KCNQ1: variants seen among roughly 807,000 people sequenced by gnomAD.
The protein encoded by KCNQ1 is potassium voltage-gated channel subfamily Q member 1.
Under a neutral mutation model 72.4 loss-of-function variants are expected in KCNQ1, and 49 were observed. The ratio of observed to expected loss-of-function variants is 0.68; its 90% CI spans 0.54 to 0.86. KCNQ1 has a LOEUF of 0.86. Among genes scored for constraint, KCNQ1 ranks in the 40% least tolerant of loss-of-function variants. KCNQ1 has a pLI of 0.00. For synonymous variants in KCNQ1, 450 were observed against 412.6 expected, an observed-to-expected ratio of 1.09 and a Z score of -1.10; for missense variants, 790 against 945.1, an observed-to-expected ratio of 0.84 and a Z score of 2.15.
intron 12 of KCNQ1, among the ~76,000 whole-genome samples, chr11:2,770,330 A>C (rs1298590815): frequency 6.6e-6 from 1 of 152,204 alleles, no homozygotes; most frequent in Non-Finnish European, 1.5e-5. Context: ...ATGAGAGCCT[A>C]AGGGTTTGGC....
At chr11:2,619,325 A>G (rs1849124899) in intron 10 of KCNQ1, 2 of 398,394 alleles carry the variant, frequency 5.0e-6, no homozygotes, top group Admixed American at 4.4e-5. Context: ...CATAAATGGC[A>G]TTCGTTATAT....
At chr11:2,630,873 T>G in intron 10 of KCNQ1, 1 of 398,534 alleles carries the variant, frequency 2.5e-6, no homozygotes. Flanking sequence ...GATGGCAGTT[T>G]TTTATCTTTC....
rs1850999511 is a variant in KCNQ1, at chr11:2,711,254, G to A, written c.1514+49173G>A. On this transcript the variant is annotated intron_variant, in intron 11 of 15. Coordinates refer to ENST00000155840, the MANE Select transcript of KCNQ1 (RefSeq NM_000218.3). This position sits in a 1 kb window ranked among gnomAD's most constrained non-coding sequence, Gnocchi z 5.4. ...GCCATACTTCCTCCCCATGTACTGG[G>A]TTCTGCCCATCCTCCAGCCCATCTC... Among the ~76,000 whole-genome samples, 1 of 152,140 alleles carries A rather than the reference G, an allele frequency of 6.6e-6. No individual in the cohort carries two copies. The highest frequency in any genetic ancestry group is 2.4e-5 in the African/African-American group (1 of 41,426).
At chr11:2,489,954 C>G (rs549544746) in intron 1 of KCNQ1, among the ~76,000 whole-genome samples, 3 of 152,226 alleles carry the variant, frequency 2.0e-5, no homozygotes, top group Admixed American at 1.3e-4. Context: ...GGGTAGAGCA[C>G]CAAATGGGCT....
At chr11:2,511,880 C>T (rs904775628) in intron 1 of KCNQ1, among the ~76,000 whole-genome samples, 2 of 152,194 alleles carry the variant, frequency 1.3e-5, no homozygotes, top group African/African-American at 4.8e-5. Flanking sequence ...TGGCCTGCAG[C>T]CCCCTGTGCA....
chr11:2,474,236 T>C, intron 1 of KCNQ1, among the ~76,000 whole-genome samples: 1 of 151,988 alleles, frequency 6.6e-6, no homozygotes, highest in Non-Finnish European at 1.5e-5. Context: ...TGTCCTCGAG[T>C]CTCCTGGTGG....
intron 15 of KCNQ1, among the ~76,000 whole-genome samples, chr11:2,837,103 A>G (rs992806327): frequency 1.3e-5 from 2 of 152,112 alleles, no homozygotes; most frequent in Non-Finnish European, 2.9e-5. Flanking sequence ...CGTAGGGCGG[A>G]GGAAGAGGCT....
At chr11:2,822,345 G>A (rs1057268128) in intron 15 of KCNQ1, among the ~76,000 whole-genome samples, 1 of 152,184 alleles carries the variant, frequency 6.6e-6, no homozygotes, top group Non-Finnish European at 1.5e-5. Flanking sequence ...ACAGCGCCAG[G>A]CCCTGGGGTA....
At chr11:2,609,876 C>T (rs1564832500) in intron 10 of KCNQ1, 8 of 397,780 alleles carry the variant, frequency 2.0e-5, no homozygotes, top group Non-Finnish European at 3.5e-5. Flanking sequence ...TATCTTTTTC[C>T]ATCCTTTTAC....
rs1221878375 is a variant in KCNQ1 at position 2,484,662 on chromosome 11, C to T, written c.386+39178C>T. ...CCACTTCTCCAAGGAGCCAGGGTTC[C>T]TTCCATTGGAGAGTGGTCTTTAGAA... is the stretch of plus-strand genomic sequence containing the variant. On this transcript the variant is annotated intron_variant, in intron 1 of 15. Transcript: ENST00000155840. This position sits in a 1 kb window ranked among gnomAD's most constrained non-coding sequence, Gnocchi z 5.2. Among the ~76,000 whole-genome samples the T allele has an allele frequency of 1.3e-5, 2 of 152,180 alleles. No homozygotes were observed. Among genetic ancestry groups the T allele is most frequent in the African/African-American group, 2.4e-5 (1 of 41,438 alleles).
In KCNQ1 at chr11:2,703,840, T is replaced by A. The variant is rs1850861990; in HGVS notation, c.1514+41759T>A. Among the ~76,000 whole-genome samples the A allele has an allele frequency of 6.6e-6, 1 of 152,160 alleles. No individual in the cohort carries two copies. Among genetic ancestry groups the A allele is most frequent in the African/African-American group, 2.4e-5 (1 of 41,452 alleles). ...CCCTCGGAGTCTAAGGGTGGAACCA[T>A]CTTCAGACCCAGCCAGGTTCCCAAG... On this transcript the variant is annotated intron_variant, in intron 11 of 15. Transcript: ENST00000155840. This position sits in a 1 kb window ranked among gnomAD's most constrained non-coding sequence, Gnocchi z 6.4.
chr11:2,526,874 C>T lies in KCNQ1; in HGVS notation c.387-1054C>T, dbSNP rs142611885. On this transcript the variant is annotated intron_variant, in intron 1 of 15. Coordinates refer to ENST00000155840, the MANE Select transcript of KCNQ1 (RefSeq NM_000218.3). The surrounding 1 kb of genome is among the most constrained non-coding windows in gnomAD (Gnocchi z 6.1). ...CCTATGCCAGGCAGAGGATCTATGC[C>T]GGGGCCCCCAGGGTCTGTGTGTGGC... Among the ~76,000 whole-genome samples the T allele has an allele frequency of 2.0e-5, 3 of 152,170 alleles. No homozygotes were observed. The highest frequency in any genetic ancestry group is 1.9e-4 in the East Asian group (1 of 5,156).
At chr11:2,502,691 A>C (rs1034532449) in intron 1 of KCNQ1, among the ~76,000 whole-genome samples, 5 of 152,216 alleles carry the variant, frequency 3.3e-5, no homozygotes, top group Non-Finnish European at 7.3e-5. Context: ...ACACTCCTCA[A>C]ACTTATATGG....
chr11:2,742,087 C>G (rs1470826885), intron 11 of KCNQ1, among the ~76,000 whole-genome samples: 1 of 152,258 alleles, frequency 6.6e-6, no homozygotes, highest in African/African-American at 2.4e-5. Flanking sequence ...GTTTTCTCCA[C>G]ATTAGAAGGT....
chr11:2,586,520 G>A (rs1848594413), intron 8 of KCNQ1, among the ~76,000 whole-genome samples: 1 of 152,190 alleles, frequency 6.6e-6, no homozygotes. Context: ...CCTTTGAAAG[G>A]GGTTCCCTCG....
In KCNQ1 at chr11:2,642,684, T is replaced by A. The variant is rs1269022290; in HGVS notation, c.1394-19277T>A. On this transcript the variant is annotated intron_variant, in intron 10 of 15. Coordinates refer to ENST00000155840, the MANE Select transcript of KCNQ1 (RefSeq NM_000218.3). The surrounding 1 kb of genome is among the most constrained non-coding windows in gnomAD (Gnocchi z 4.3). ...TAGTTCTGCTCTGATCTTCGTTATT[T>A]CTTTCCTTCTACTAATTTTATGTTT... 5.0e-6 allele frequency: 2 copies of A among 397,868 alleles called. No individual in the cohort carries two copies. Among genetic ancestry groups the A allele is most frequent in the African/African-American group, 4.1e-5 (2 of 48,614 alleles). The allele number at this position is 397,868 out of a possible 1,614,324, so 24.6% of individuals were successfully genotyped here.
chr11:2,662,946 G>A, intron 11 of KCNQ1: 1 of 398,640 alleles, frequency 2.5e-6, no homozygotes, highest in Non-Finnish European at 4.4e-6. Flanking sequence ...TTGTCGTAGT[G>A]AGGCCCTGGG....
At chr11:2,644,665 C>T (rs1849639159) in intron 10 of KCNQ1, 2 of 398,410 alleles carry the variant, frequency 5.0e-6, no homozygotes, top group African/African-American at 4.1e-5. Context: ...TCTGGTGTAA[C>T]AGTAGTTTCT....
intron 2 of KCNQ1, among the ~76,000 whole-genome samples, chr11:2,560,581 C>A (rs1426798623): frequency 6.6e-6 from 1 of 150,572 alleles, no homozygotes; most frequent in Admixed American, 6.6e-5. Flanking sequence ...CAGTAACATC[C>A]CAAACATGGG....
Sources: allele counts gnomAD v4.1 joint callset (sites outside exome capture counted in the v4.1 genomes callset), GRCh38; gene constraint gnomAD v4.1.1; non-coding constraint Gnocchi (gnomAD v3.1); transcripts MANE v1.5; gene names NCBI Gene and HGNC (gene_info 2026-07-23, HGNC 2026-07-21).